Variants in KSR1 observed in about 807,000 individuals in gnomAD.
KSR1 encodes the protein kinase suppressor of ras.
KSR1 carries 35 observed loss-of-function variants against 92.9 expected under a neutral mutation model. That is an observed-to-expected ratio of 0.38 (90% CI 0.29 to 0.50). The LOEUF (loss-of-function observed/expected upper bound fraction) is 0.50, where lower values mean the gene tolerates loss of function less well. Ranked by LOEUF, KSR1 falls within the 20% of genes least tolerant of loss-of-function variation. The probability of loss-of-function intolerance (pLI) is 0.94; values close to 1 mark genes in which losing one functional copy is unlikely to be tolerated. For missense variants in KSR1, 972 were observed against 1,158.5 expected, an observed-to-expected ratio of 0.84 and a Z score of 2.34; for synonymous variants, 467 against 472.6, an observed-to-expected ratio of 0.99 and a Z score of 0.15.
At chr17:27,591,456 C>G (rs1156552988) in intron 7 of KSR1, among the ~76,000 whole-genome samples, 1 of 152,236 alleles carries the variant, frequency 6.6e-6, no homozygotes, top group African/African-American at 2.4e-5. Context: ...CCAGCCCACT[C>G]TGCCCCTGCA....
At chr17:27,588,902 AG>A (rs1158677774) in intron 6 of KSR1, among the ~76,000 whole-genome samples, 1 of 152,212 alleles carries the variant, frequency 6.6e-6, no homozygotes, top group East Asian at 1.9e-4. Flanking sequence ...CGCATATCAG[AG>A]TCCGCTGTAG....
intron 1 of KSR1, among the ~76,000 whole-genome samples, chr17:27,501,062 C>T (rs2069159019): frequency 6.6e-6 from 1 of 152,196 alleles, no homozygotes; most frequent in Non-Finnish European, 1.5e-5. Flanking sequence ...AGACCAAAGG[C>T]TGTGGGAGTC....
At chr17:27,526,094 T>TTCTTTCTTTCTTTCTC (rs55706224) in intron 1 of KSR1, among the ~76,000 whole-genome samples, 107 of 118,454 alleles carry the variant, frequency 9.0e-4, no homozygotes, top group Non-Finnish European at 1.3e-3. Context: ...CTTTCTTTCT[T>TTCTTTCTTTCTTTCTC]TCTCTCTCTC....
chr17:27,588,821 C>T (rs2073067655), intron 6 of KSR1, among the ~76,000 whole-genome samples: 2 of 152,178 alleles, frequency 1.3e-5, no homozygotes, highest in Admixed American at 1.3e-4. Flanking sequence ...GAAATAAGGT[C>T]AGGGTCATGG....
chr17:27,515,186 A>G (rs1177792438), intron 1 of KSR1, among the ~76,000 whole-genome samples: 1 of 152,262 alleles, frequency 6.6e-6, no homozygotes, highest in Non-Finnish European at 1.5e-5. Flanking sequence ...ACATTCTTGT[A>G]AGCACTAAAA....
At chr17:27,521,749 G>C (rs910392023) in intron 1 of KSR1, among the ~76,000 whole-genome samples, 8 of 152,222 alleles carry the variant, frequency 5.3e-5, no homozygotes, top group African/African-American at 1.9e-4. Flanking sequence ...AGGCTACTCT[G>C]ATGGAGGCAG....
intron 1 of KSR1, among the ~76,000 whole-genome samples, chr17:27,508,640 G>A (rs952602078): frequency 6.6e-6 from 1 of 152,104 alleles, no homozygotes. Context: ...GAAGGGCAGG[G>A]ACAAACACAG....
chr17:27,623,492 G>T lies in KSR1; in HGVS notation c.*100G>T. On this transcript the variant is annotated 3_prime_UTR_variant, in exon 21 of 21. Coordinates refer to ENST00000644974, the MANE Select transcript of KSR1 (RefSeq NM_001394583.1). Reference sequence around the variant, plus strand: ...GACAAAAAAACACTGCCTGCCCAGCGCTGCAAACCAGGAGCACACGTCCTA... The same window carrying T: ...GACAAAAAAACACTGCCTGCCCAGCTCTGCAAACCAGGAGCACACGTCCTA... 1.4e-6 allele frequency: 1 copy of T among 698,662 alleles called. No individual in the cohort carries two copies. The highest frequency in any genetic ancestry group is 2.7e-5 in the East Asian group (1 of 37,352). 43.3% of individuals were successfully genotyped at this position (698,662 alleles called of 1,614,324 possible).
chr17:27,482,721 C>T (rs2068545869), intron 1 of KSR1, among the ~76,000 whole-genome samples: 1 of 152,068 alleles, frequency 6.6e-6, no homozygotes, highest in South Asian at 2.1e-4. Context: ...TAATGATGAA[C>T]CACTAACAGG....
chr17:27,591,854 G>C (rs1199977687), intron 7 of KSR1, among the ~76,000 whole-genome samples: 2 of 152,220 alleles, frequency 1.3e-5, no homozygotes, highest in East Asian at 3.9e-4. Context: ...CAGTGCAGAA[G>C]GCAGGACCAC....
chr17:27,592,411 C>T lies in KSR1; in HGVS notation c.1181C>T (p.Ser394Phe). The T allele has an allele frequency of 6.2e-7, 1 of 1,613,938 alleles. No individual in the cohort carries two copies. Among genetic ancestry groups the T allele is most frequent in the East Asian group, 2.2e-5 (1 of 44,882 alleles). Reference sequence around the variant, plus strand: ...AAAGAAGCCCCTGCCTGTAGAATATCCTTCCTGCCACGTGAGTTTTCTGCC... The same window carrying T: ...AAAGAAGCCCCTGCCTGTAGAATATTCTTCCTGCCACGTGAGTTTTCTGCC... Reference protein sequence around the residue: ...CTKEAPACRISFLPLTRLRRT... With the variant: ...CTKEAPACRIFFLPLTRLRRT... Residue 394 changes from serine (S) to phenylalanine (F), a missense_variant, in exon 8 of 21, where the codon TCC (serine) becomes TTC (phenylalanine). Ser to Phe is a radical substitution (Grantham distance 155, BLOSUM62 -2). Coordinates refer to ENST00000644974, the MANE Select transcript of KSR1 (RefSeq NM_001394583.1).
At position 27,601,376 on chromosome 17, in the gene KSR1, T is replaced by C. The variant is rs1179942000; in HGVS notation, c.1485T>C (p.His495=). 6.2e-7 allele frequency: 1 copy of C among 1,613,736 alleles called. No individual in the cohort carries two copies. Among genetic ancestry groups the C allele is most frequent in the Non-Finnish European group, 8.5e-7 (1 of 1,179,650 alleles). ...RFNFPAAYFI[H]HRQQFIFPDI... ...TGTTTAAAGCTGCCTACTTCATTCA[T>C]CATAGACAGCAGTTTATCTTTCCAG... is the stretch of plus-strand genomic sequence containing the variant. The change falls in exon 11 of 21, where the codon CAT becomes CAC. Residue 495 remains histidine, a synonymous_variant. Transcript: ENST00000644974.
intron 4 of KSR1, among the ~76,000 whole-genome samples, chr17:27,585,317 T>C (rs530825024): frequency 1.3e-4 from 20 of 152,216 alleles, no homozygotes; most frequent in Non-Finnish European, 2.6e-4. Context: ...CTGAGCCTCC[T>C]GAGGCTCAGT....
At chr17:27,507,563 CTTTTTTTTTTTTTTTTTT>C (rs751092460) in intron 1 of KSR1, among the ~76,000 whole-genome samples, 3 of 43,298 alleles carry the variant, frequency 6.9e-5, no homozygotes, top group Non-Finnish European at 1.3e-4. Flanking sequence ...TATTGTTTGG[CTTTTTTTTTTTTTTTTTT>C]TTTTTTTTTT....
chr17:27,586,041 C>T (rs1426604275), intron 5 of KSR1: 5 of 279,574 alleles, frequency 1.8e-5, no homozygotes, highest in South Asian at 5.5e-5. Flanking sequence ...TGCCTGATTT[C>T]GCTAGACTTT....
At chr17:27,564,001 T>TC (rs1331946591) in intron 2 of KSR1, among the ~76,000 whole-genome samples, 1 of 142,522 alleles carries the variant, frequency 7.0e-6, no homozygotes, top group African/African-American at 2.6e-5. Flanking sequence ...TTTTTTTTTT[T>TC]TTTTTGAGAT....
At chr17:27,622,220 C>G in intron 20 of KSR1, 1 of 506,776 alleles carries the variant, frequency 2.0e-6, no homozygotes, top group Non-Finnish European at 3.5e-6. Context: ...CCTTCCTGGA[C>G]ATGACTGATT....
chr17:27,549,077 C>T (rs59335503), intron 1 of KSR1, among the ~76,000 whole-genome samples: 19,254 of 152,078 alleles, frequency 0.13, 1,583 homozygotes, highest in East Asian at 0.3. Context: ...TCTTTGGAAG[C>T]GTTTCGGATT....
At chr17:27,601,444 C>A (rs1336703896) in intron 11 of KSR1, 43 bp downstream of exon 11, 3 of 1,563,610 alleles carry the variant, frequency 1.9e-6, no homozygotes, top group African/African-American at 1.4e-5. Context: ...TTTGCTGTGA[C>A]CCCTTCTGTC....
Sources: allele counts gnomAD v4.1 joint callset (sites outside exome capture counted in the v4.1 genomes callset), GRCh38; gene constraint gnomAD v4.1.1; transcripts MANE v1.5; gene names NCBI Gene and HGNC (gene_info 2026-07-23, HGNC 2026-07-21).